The following SOX6 variants were observed in gnomAD, a reference collection of about 807,000 sequenced individuals.
SOX6 encodes the protein SRY-box transcription factor 6, also known as transcription factor SOX-6.
In SOX6, 11 loss-of-function variants were observed where a neutral mutation model predicts 97.8. That is an observed-to-expected ratio of 0.11 (90% CI 0.07 to 0.19). SOX6 has a LOEUF of 0.19. Among genes scored for constraint, SOX6 ranks in the 10% least tolerant of loss-of-function variants. The pLI, the probability that SOX6 is intolerant of heterozygous loss-of-function variation, is 1.00. For missense variants in SOX6, 810 were observed against 1,039.5 expected (o/e 0.78, Z 3.04); for synonymous variants, 360 against 371.4 (o/e 0.97, Z 0.35).
At chr11:16,644,565 AT>A (rs1336360317) in intron 3 of SOX6, among the ~76,000 whole-genome samples, 1 of 151,916 alleles carries the variant, frequency 6.6e-6, no homozygotes, top group East Asian at 1.9e-4. Context: ...AAGTGCATTC[AT>A]TTCATTCCAA....
chr11:16,514,300 G>A lies in SOX6; in HGVS notation n.610-37912C>T, dbSNP rs755864132. On this transcript the variant is annotated intron_variant and non_coding_transcript_variant, in intron 4 of 5. Coordinates refer to the SOX6 transcript ENST00000524520. ...GTTCTTTAAATGAATTAGAGACAAC[G>A]GAGGAGTTATCTGTGATATCTATGC... Among the ~76,000 whole-genome samples the A allele has an allele frequency of 4.6e-5, 7 of 151,482 alleles. No homozygotes were observed. In the East Asian group the frequency reaches 5.8e-4, roughly 13 times the overall value.
At chr11:16,733,822 C>T (rs530370473) in intron 2 of SOX6, among the ~76,000 whole-genome samples, 5 of 150,502 alleles carry the variant, frequency 3.3e-5, no homozygotes, top group Non-Finnish European at 5.9e-5. Flanking sequence ...GTCAGGAGAG[C>T]GAGACCATCC....
chr11:16,161,570 A>C (rs889961414), intron 6 of SOX6, among the ~76,000 whole-genome samples: 1 of 152,142 alleles, frequency 6.6e-6, no homozygotes, highest in African/African-American at 2.4e-5. Context: ...TGGGATTCTG[A>C]ACAGACAAAA....
At chr11:16,666,509 T>G (rs1180196737) in intron 3 of SOX6, among the ~76,000 whole-genome samples, 1 of 152,150 alleles carries the variant, frequency 6.6e-6, no homozygotes, top group South Asian at 2.1e-4. Flanking sequence ...ACAGGCTATT[T>G]GAAAATATAT....
At chr11:16,246,017 A>T (rs1046266634) in intron 3 of SOX6, among the ~76,000 whole-genome samples, 9 of 150,604 alleles carry the variant, frequency 6.0e-5, no homozygotes, top group Non-Finnish European at 1.2e-4. Context: ...TTTAATTATT[A>T]TTTTTTTTAG....
chr11:16,446,958 C>A (rs1859623800), intron 1 of SOX6, among the ~76,000 whole-genome samples: 3 of 2,404 alleles, frequency 1.2e-3, no homozygotes, highest in Non-Finnish European at 1.7e-3. Context: ...CTCCTTCTTT[C>A]CTTTTTTCCT....
chr11:16,432,579 G>A (rs10741697), intron 1 of SOX6, among the ~76,000 whole-genome samples: 151,482 of 152,202 alleles, frequency 1, 75,388 homozygotes, highest in Middle Eastern at 1. Context: ...ATTTTTTTAA[G>A]TCTCAGCTTT....
intron 1 of SOX6, among the ~76,000 whole-genome samples, chr11:16,736,826 T>C (rs1848394672): frequency 6.6e-6 from 1 of 152,202 alleles, no homozygotes; most frequent in African/African-American, 2.4e-5. Flanking sequence ...CCTAAAACAA[T>C]GTTTCTTTTT....
chr11:16,363,185 G>A (rs138120787), intron 1 of SOX6, among the ~76,000 whole-genome samples: 1 of 152,220 alleles, frequency 6.6e-6, no homozygotes, highest in African/African-American at 2.4e-5. Flanking sequence ...CCTGGTAGAA[G>A]GACAATTTGA....
chr11:16,625,446 G>A (rs945185997), intron 3 of SOX6, among the ~76,000 whole-genome samples: 1 of 152,124 alleles, frequency 6.6e-6, no homozygotes, highest in African/African-American at 2.4e-5. Flanking sequence ...GGAGTGCTAG[G>A]AGCATCTTTT....
chr11:16,332,048 T>C (rs1443603307), intron 2 of SOX6, among the ~76,000 whole-genome samples: 1 of 152,188 alleles, frequency 6.6e-6, no homozygotes, highest in Non-Finnish European at 1.5e-5. Context: ...AAATTCTAAC[T>C]TTACTGTTAA....
intron 1 of SOX6, among the ~76,000 whole-genome samples, chr11:16,460,577 A>C (rs1478053883): frequency 3.9e-5 from 6 of 152,048 alleles, no homozygotes; most frequent in Admixed American, 3.9e-4. Flanking sequence ...ACTTATGACT[A>C]TGTTCTCCTG....
At chr11:16,226,220 C>T (rs1007338520) in intron 4 of SOX6, among the ~76,000 whole-genome samples, 3 of 151,902 alleles carry the variant, frequency 2.0e-5, no homozygotes, top group African/African-American at 7.3e-5. Context: ...AGAACATCTA[C>T]CTTGATCCCT....
chr11:16,658,103 A>G (rs1847737745), intron 3 of SOX6, among the ~76,000 whole-genome samples: 1 of 152,214 alleles, frequency 6.6e-6, no homozygotes, highest in Admixed American at 6.5e-5. Context: ...TATACAATGT[A>G]CTTTCTCATC....
chr11:16,408,159 A>G (rs1858724445), intron 1 of SOX6, among the ~76,000 whole-genome samples: 1 of 152,188 alleles, frequency 6.6e-6, no homozygotes, highest in African/African-American at 2.4e-5. Context: ...GGTCCATAGA[A>G]AAATCAAGGC....
At chr11:16,286,996 T>A (rs1287068324) in intron 3 of SOX6, among the ~76,000 whole-genome samples, 2 of 152,058 alleles carry the variant, frequency 1.3e-5, no homozygotes, top group Non-Finnish European at 2.9e-5. Flanking sequence ...GGAAGAAGTT[T>A]GTTATGAAAA....
chr11:16,513,485 T>C (rs1331095012), intron 4 of SOX6, among the ~76,000 whole-genome samples: 1 of 151,670 alleles, frequency 6.6e-6, no homozygotes, highest in Non-Finnish European at 1.5e-5. Context: ...ATACAGAAAT[T>C]AGCCGGGCAA....
chr11:16,692,715 C>T (rs1248939139), intron 3 of SOX6, among the ~76,000 whole-genome samples: 2 of 152,204 alleles, frequency 1.3e-5, no homozygotes, highest in African/African-American at 4.8e-5. Flanking sequence ...CATATCATTA[C>T]ATATAGATGT....
chr11:16,405,749 T>C (rs1360339559), intron 1 of SOX6, among the ~76,000 whole-genome samples: 1 of 152,054 alleles, frequency 6.6e-6, no homozygotes. Context: ...GCCTCTTTAA[T>C]AAGTTGAGCT....
Sources: gnomAD v4.1 joint callset for allele counts (sites outside exome capture counted in the v4.1 genomes callset) on GRCh38, gnomAD v4.1.1 for gene constraint, MANE v1.5 for transcripts, NCBI Gene and HGNC (gene_info 2026-07-23, HGNC 2026-07-21) for gene names.